The following SKIC3 variants were observed in gnomAD, a reference collection of about 807,000 sequenced individuals.
SKIC3 encodes SKI3 subunit of superkiller complex, also known as superkiller complex protein 3.
the SKIC3 span, chr5:95,541,185 C>T: frequency 7.3e-5 from 64 of 882,258 alleles, no homozygotes; most frequent in South Asian, 6.1e-4. Flanking sequence ...TGGCTGGTCT[C>T]GAACTCCCGA....
At chr5:95,520,774 C>G in the SKIC3 span, 6 of 1,612,106 alleles carry the variant, frequency 3.7e-6, no homozygotes, top group Non-Finnish European at 5.1e-6. Flanking sequence ...TCAAGATAAT[C>G]AACTAGAGCT....
the SKIC3 span, chr5:95,543,179 C>T: frequency 1.2e-6 from 2 of 1,613,466 alleles, no homozygotes; most frequent in Non-Finnish European, 1.7e-6. Flanking sequence ...AAAATTTCTA[C>T]ATACCTGCCA....
chr5:95,484,600 G>T, the SKIC3 span: 3 of 1,351,214 alleles, frequency 2.2e-6, no homozygotes, highest in South Asian at 1.2e-5. Context: ...TCCCATCTCA[G>T]TCTCCCAAAG....
the SKIC3 span, among the ~76,000 whole-genome samples, chr5:95,477,240 T>C: frequency 6.6e-6 from 1 of 152,010 alleles, no homozygotes; most frequent in Non-Finnish European, 1.5e-5. Flanking sequence ...AAACCATTTA[T>C]AGAGAACCCC....
chr5:95,527,731 A>C, the SKIC3 span, among the ~76,000 whole-genome samples: 26 of 152,330 alleles, frequency 1.7e-4, no homozygotes, highest in African/African-American at 5.8e-4. Context: ...AATAATAATC[A>C]AGTAGTAATA....
the SKIC3 span, among the ~76,000 whole-genome samples, chr5:95,531,987 C>A: frequency 6.6e-6 from 1 of 151,944 alleles, no homozygotes; most frequent in Non-Finnish European, 1.5e-5. Flanking sequence ...AAAATTACTA[C>A]AAAAAATTAA....
chr5:95,503,762 A>G, the SKIC3 span: 3 of 1,609,786 alleles, frequency 1.9e-6, no homozygotes, highest in Non-Finnish European at 2.5e-6. Context: ...TGTGCTCATC[A>G]TGATTAAACT....
the SKIC3 span, among the ~76,000 whole-genome samples, chr5:95,514,368 G>A: frequency 6.6e-6 from 1 of 152,080 alleles, no homozygotes; most frequent in South Asian, 2.1e-4. Flanking sequence ...TTCCTATTTG[G>A]CAGTACAAAA....
chr5:95,498,834 C>T, the SKIC3 span, among the ~76,000 whole-genome samples: 1 of 152,156 alleles, frequency 6.6e-6, no homozygotes, highest in African/African-American at 2.4e-5. Context: ...ACCATGTTAG[C>T]TAGGATGGTC....
chr5:95,509,544 C>T, the SKIC3 span: 35 of 1,366,078 alleles, frequency 2.6e-5, no homozygotes, highest in Non-Finnish European at 3.4e-5. Flanking sequence ...TCTCCAGGAA[C>T]CCTTCCCCTC....
At chr5:95,516,597 C>CCTG in the SKIC3 span, 14 of 1,613,122 alleles carry the variant, frequency 8.7e-6, no homozygotes, top group Non-Finnish European at 1.2e-5. Context: ...CTGAAAAATA[C>CCTG]AAAACCTGAT....
the SKIC3 span, chr5:95,494,734 A>T: frequency 6.2e-7 from 1 of 1,613,754 alleles, no homozygotes; most frequent in Non-Finnish European, 8.5e-7. Flanking sequence ...TATTTTTTTC[A>T]TCTTCTGCTG....
At chr5:95,505,752 G>A in the SKIC3 span, among the ~76,000 whole-genome samples, 104 of 151,852 alleles carry the variant, frequency 6.8e-4, no homozygotes, top group African/African-American at 2.4e-3. Flanking sequence ...GGTGGAGGTT[G>A]CAGTGAGCCA....
chr5:95,524,401 G>A, the SKIC3 span: 1 of 1,594,104 alleles, frequency 6.3e-7, no homozygotes, highest in Non-Finnish European at 8.6e-7. Flanking sequence ...TAATGTATAT[G>A]ATTATTATTT....
At chr5:95,499,847 T>C in the SKIC3 span, among the ~76,000 whole-genome samples, 2 of 152,140 alleles carry the variant, frequency 1.3e-5, no homozygotes, top group Non-Finnish European at 2.9e-5. Context: ...CTAGCATTTT[T>C]TTTCCTCTTT....
At chr5:95,506,066 C>CTGTCCTCTGCTTCA in the SKIC3 span, among the ~76,000 whole-genome samples, 1 of 152,054 alleles carries the variant, frequency 6.6e-6, no homozygotes, top group African/African-American at 2.4e-5. Context: ...CTTTATTCTA[C>CTGTCCTCTGCTTCA]ACAATATCTG....
the SKIC3 span, chr5:95,467,766 A>T: frequency 6.6e-7 from 1 of 1,506,782 alleles, no homozygotes; most frequent in Non-Finnish European, 8.9e-7. Context: ...CATAAAAGTG[A>T]AGTAACTTTG....
At chr5:95,482,213 C>A in the SKIC3 span, among the ~76,000 whole-genome samples, 1 of 152,136 alleles carries the variant, frequency 6.6e-6, no homozygotes. Flanking sequence ...ATATAAAAGA[C>A]AGTATTTTCA....
At chr5:95,520,181 T>C in the SKIC3 span, among the ~76,000 whole-genome samples, 9 of 151,918 alleles carry the variant, frequency 5.9e-5, no homozygotes, top group Admixed American at 3.9e-4. Flanking sequence ...CACAGTTCTA[T>C]AAAATGCCAA....
Sources: allele counts gnomAD v4.1 joint callset (sites outside exome capture counted in the v4.1 genomes callset), GRCh38; gene constraint gnomAD v4.1.1; transcripts MANE v1.5; gene names NCBI Gene and HGNC (gene_info 2026-07-23, HGNC 2026-07-21).